CGAS: variants seen among roughly 807,000 people sequenced by gnomAD.
The protein encoded by CGAS is cyclic GMP-AMP synthase.
In CGAS, 31 loss-of-function variants were observed where a neutral mutation model predicts 34.0. The ratio of observed to expected loss-of-function variants is 0.91; its 90% CI spans 0.69 to 1.23. The LOEUF is 1.23. Among genes scored for constraint, CGAS ranks in the 50% most tolerant of loss-of-function variants. The probability of loss-of-function intolerance (pLI) is 0.00; values close to 1 mark genes in which losing one functional copy is unlikely to be tolerated. For missense variants in CGAS, 597 were observed against 657.6 expected (o/e 0.91, Z 1.01); for synonymous variants, 266 against 260.0 (o/e 1.02, Z -0.22).
Position 73,451,519 on chromosome 6 carries a change from G to A in CGAS, c.657+6C>T. ...GGGCTCGGCGGGAGGGCGCCAAGCA[G>A]CTCACCTTCACGTGCTCATAGTAGC... On this transcript the variant is annotated splice_donor_region_variant and intron_variant, in intron 1 of 4. Transcript: ENST00000370315. 4 of 1,540,800 alleles carry A rather than the reference G, an allele frequency of 2.6e-6. No homozygotes were observed. The highest frequency in any genetic ancestry group is 3.5e-6 in the Non-Finnish European group (4 of 1,138,870).
Position 73,445,575 on chromosome 6 carries a change from A to G in CGAS, c.830T>C (p.Leu277Pro). The change falls in exon 2 of 5, where the codon CTG becomes CCG. Residue 277 changes from leucine (L) to proline (P), a missense_variant. Physicochemically the swap from Leu to Pro is moderately conservative, Grantham distance 98 (BLOSUM62 -3). Transcript: ENST00000370315. ...CTTAATGATTTTCCTAAACTTTGAC[A>G]GCATCTTAGAAGCTGATAATATTTC... ...EGEILSASKM[L>P]SKFRKIIKEE... 1.2e-6 allele frequency: 2 copies of G among 1,608,510 alleles called. No homozygotes were observed. Among genetic ancestry groups the G allele is most frequent in the Non-Finnish European group, 1.7e-6 (2 of 1,178,622 alleles).
At chr6:73,439,882 G>A (rs937640227) in intron 3 of CGAS, 1 of 262,418 alleles carries the variant, frequency 3.8e-6, no homozygotes, top group Non-Finnish European at 7.4e-6. Flanking sequence ...TAACTAGCTC[G>A]AATTCACACA....
intron 3 of CGAS, among the ~76,000 whole-genome samples, chr6:73,437,268 A>G (rs1770296237): frequency 6.6e-6 from 1 of 151,924 alleles, no homozygotes; most frequent in Non-Finnish European, 1.5e-5. Context: ...TGAACAGAAG[A>G]TGTTTCTCTA....
intron 2 of CGAS, among the ~76,000 whole-genome samples, chr6:73,442,742 G>A (rs920256120): frequency 6.6e-6 from 1 of 151,740 alleles, no homozygotes; most frequent in East Asian, 1.9e-4. Flanking sequence ...ATGATTATAG[G>A]TGTCTGCCAC....
intron 2 of CGAS, among the ~76,000 whole-genome samples, chr6:73,442,784 A>G (rs1770405335): frequency 6.6e-6 from 1 of 151,986 alleles, no homozygotes; most frequent in Non-Finnish European, 1.5e-5. Context: ...TTTTTAGTAC[A>G]GACGGGGTTT....
chr6:73,440,086 C>G (rs1770349755), intron 3 of CGAS, 123 bp downstream of exon 3: 6 of 833,066 alleles, frequency 7.2e-6, no homozygotes, highest in Non-Finnish European at 1.1e-5. Context: ...ATCTTATAAC[C>G]TATTTTGCCT....
At chr6:73,448,427 C>CA (rs1042790265) in intron 1 of CGAS, among the ~76,000 whole-genome samples, 4 of 151,768 alleles carry the variant, frequency 2.6e-5, no homozygotes, top group Admixed American at 1.3e-4. Context: ...AACAAACAAA[C>CA]AAAAAAAACT....
At chr6:73,426,848 TTTTC>T (rs1162907244) in intron 4 of CGAS, among the ~76,000 whole-genome samples, 1 of 151,978 alleles carries the variant, frequency 6.6e-6, no homozygotes, top group Non-Finnish European at 1.5e-5. Context: ...TTCTTTTTTT[TTTTC>T]TTTTTCCTTT....
intron 1 of CGAS, among the ~76,000 whole-genome samples, chr6:73,446,050 C>T (rs2150816113): frequency 6.6e-6 from 1 of 152,174 alleles, no homozygotes; most frequent in East Asian, 1.9e-4. Context: ...TTTGTGGGGC[C>T]AGGTGCAGTG....
rs7754197 is a variant in CGAS at position 73,424,420 on chromosome 6, C to T, written c.*807G>A. 25,278 of 147,682 alleles carry T rather than the reference C, an allele frequency of 0.17. 2,480 individuals are homozygous for T. The highest frequency in any genetic ancestry group is 0.21 in the Non-Finnish European group (13,992 of 67,414). 9.1% of individuals were successfully genotyped at this position (147,682 alleles called of 1,614,324 possible). On this transcript the variant is annotated 3_prime_UTR_variant, in exon 5 of 5. Coordinates refer to ENST00000370315, the MANE Select transcript of CGAS (RefSeq NM_138441.3). The stretch of plus-strand genomic sequence containing the variant: ...CTGGACTCCAGCCTGGGCGACAGAG[C>T]GAGACTCCATCTAAAAAAAAAAAAA...
chr6:73,447,124 T>C (rs1310552278), intron 1 of CGAS, among the ~76,000 whole-genome samples: 1 of 152,254 alleles, frequency 6.6e-6, no homozygotes, highest in Non-Finnish European at 1.5e-5. Context: ...ATATTTCAAC[T>C]GATTGCATTA....
chr6:73,448,079 AC>A (rs1407827187), intron 1 of CGAS, among the ~76,000 whole-genome samples: 1 of 151,998 alleles, frequency 6.6e-6, no homozygotes, highest in Non-Finnish European at 1.5e-5. Flanking sequence ...CCTTTTCTTT[AC>A]CAGTTAATAT....
intron 1 of CGAS, among the ~76,000 whole-genome samples, chr6:73,450,870 G>T (rs1354748787): frequency 2.6e-5 from 4 of 151,404 alleles, no homozygotes; most frequent in Non-Finnish European, 5.9e-5. Flanking sequence ...GGCGCCTGTA[G>T]TCCCAGCTAC....
At chr6:73,429,974 C>T (rs897749817) in intron 3 of CGAS, among the ~76,000 whole-genome samples, 5 of 151,962 alleles carry the variant, frequency 3.3e-5, no homozygotes, top group Non-Finnish European at 5.9e-5. Context: ...TAATCTGTCA[C>T]ATTAACAGAA....
rs1423327538 is a variant in CGAS at position 73,451,509 on chromosome 6, G to A, written c.657+16C>T. 3.9e-6 allele frequency: 6 copies of A among 1,526,938 alleles called. No homozygotes were observed. Among genetic ancestry groups the A allele is most frequent in the South Asian group, 3.7e-5 (3 of 82,020 alleles). 94.6% of individuals were successfully genotyped at this position (1,526,938 alleles called of 1,614,324 possible). On this transcript the variant is annotated intron_variant, in intron 1 of 4. Transcript: ENST00000370315. ...CCGAGCAGCGGGGCTCGGCGGGAGG[G>A]CGCCAAGCAGCTCACCTTCACGTGC...
chr6:73,430,936 T>A (rs192744828), intron 3 of CGAS, among the ~76,000 whole-genome samples: 1 of 151,702 alleles, frequency 6.6e-6, no homozygotes, highest in East Asian at 2.0e-4. Context: ...ACTCCGTCGC[T>A]ACTAAAAATA....
At chr6:73,450,330 G>A (rs1770542631) in intron 1 of CGAS, among the ~76,000 whole-genome samples, 1 of 151,342 alleles carries the variant, frequency 6.6e-6, no homozygotes, top group Non-Finnish European at 1.5e-5. Flanking sequence ...CAGGAGAATC[G>A]CTTGAACCTG....
At chr6:73,447,018 T>C (rs1317927703) in intron 1 of CGAS, among the ~76,000 whole-genome samples, 1 of 152,094 alleles carries the variant, frequency 6.6e-6, no homozygotes, top group African/African-American at 2.4e-5. Flanking sequence ...ATGGTACCAC[T>C]GCACTCCAGC....
Position 73,428,801 on chromosome 6 carries a change from C to A in CGAS, c.1125G>T (p.Trp375Cys). Residue 375 changes from tryptophan (W) to cysteine (C), a missense_variant, in exon 4 of 5, where the codon TGG becomes TGT. Trp to Cys is a radical substitution (Grantham distance 215). Transcript: ENST00000370315. ...TTTCGATGTGAGAGAAGGATAGCCG[C>A]CATGTTTCTTCTTAATTTCAAAAAG... ...KEGNGFQEETWRLSFSHIEKE... is the reference protein window; with the variant it reads ...KEGNGFQEETCRLSFSHIEKE... The A allele has an allele frequency of 6.2e-7, 1 of 1,610,986 alleles. No homozygotes were observed. Among genetic ancestry groups the A allele is most frequent in the Non-Finnish European group, 8.5e-7 (1 of 1,179,222 alleles).
Sources: allele counts gnomAD v4.1 joint callset (sites outside exome capture counted in the v4.1 genomes callset), GRCh38; gene constraint gnomAD v4.1.1; transcripts MANE v1.5; gene names NCBI Gene and HGNC (gene_info 2026-07-23, HGNC 2026-07-21).